CSMD1: variants seen among roughly 807,000 people sequenced by gnomAD.
The protein encoded by CSMD1 is CUB and Sushi multiple domains 1.
In CSMD1, 213 loss-of-function variants were observed where a neutral mutation model predicts 417.5. That is an observed-to-expected ratio of 0.51 (90% CI 0.46 to 0.57). The LOEUF (loss-of-function observed/expected upper bound fraction) is 0.57. Ranked by LOEUF, CSMD1 falls within the 20% of genes least tolerant of loss-of-function variation. The pLI is 0.00. For synonymous variants in CSMD1, 2,862 were observed against 1,736.8 expected (o/e 1.65, Z -16.11); for missense variants, 6,923 against 4,529.7 (o/e 1.53, Z -15.17).
rs571230682 is a variant in CSMD1, at chr8:3,171,180, G to A, written c.5726-8903C>T. On this transcript the variant is annotated intron_variant, in intron 37 of 69. Transcript: ENST00000635120. ...CAATCAGATAGTGTTAAAAAGGCTT[G>A]AATGCCAATTATAGATCCTTTATAA... Among the ~76,000 whole-genome samples the A allele has an allele frequency of 4.6e-5, 7 of 152,276 alleles. No homozygotes were observed. The South Asian group carries it at 1.0e-3, about 23-fold the overall frequency.
intron 41 of CSMD1, chr8:3,127,393 T>C (rs1585417562): frequency 6.6e-6 from 1 of 152,180 alleles, no homozygotes; most frequent in Admixed American, 6.5e-5. Flanking sequence ...TTTAGAAGCA[T>C]ATCAACTTTA....
intron 8 of CSMD1, 84 bp from the exon 9 acceptor site, chr8:3,586,344 C>T: frequency 1.5e-6 from 2 of 1,305,888 alleles, no homozygotes; most frequent in Non-Finnish European, 2.1e-6. Context: ...AGCAAAATGG[C>T]TGCTACGATC....
At position 3,387,664 on chromosome 8, in the gene CSMD1, T is replaced by A. The variant is rs1318464597; in HGVS notation, c.2612A>T (p.Asp871Val). ...AGGGATGCCCGGGTCCAGGCAGGAATCCGACTCAAGCGTCACACCTGGATG... is the reference window on the plus strand; with the variant it reads ...AGGGATGCCCGGGTCCAGGCAGGAAACCGACTCAAGCGTCACACCTGGATG... ...IHYESVTLES[D>V]SCLDPGIPVN... Residue 871 changes from aspartate (D) to valine (V), a missense_variant, in exon 18 of 70, where the codon GAT (aspartate) becomes GTT (valine). Asp to Val is a radical substitution (Grantham distance 152). Coordinates refer to ENST00000635120, the MANE Select transcript of CSMD1 (RefSeq NM_033225.6). The A allele has an allele frequency of 6.3e-7, 1 of 1,597,596 alleles. No individual in the cohort carries two copies. Among genetic ancestry groups the A allele is most frequent in the Non-Finnish European group, 8.5e-7 (1 of 1,171,872 alleles).
intron 37 of CSMD1, among the ~76,000 whole-genome samples, chr8:3,163,533 C>T (rs1046162952): frequency 6.6e-6 from 1 of 151,992 alleles, no homozygotes; most frequent in Admixed American, 6.5e-5. Flanking sequence ...CCACGCGGGG[C>T]TCTGCCCTGA....
intron 50 of CSMD1, among the ~76,000 whole-genome samples, chr8:3,047,116 G>A (rs1811503805): frequency 6.7e-6 from 1 of 150,106 alleles, no homozygotes; most frequent in Admixed American, 6.7e-5. Context: ...ACTGAGGCAG[G>A]AGAATCACTT....
In CSMD1 at chr8:3,118,520, G is replaced by A. The variant is rs1180738277; in HGVS notation, c.6309C>T (p.Tyr2103=). ...CGAAAGATACTGATTGCCCCACGCT[G>A]TAATCCGAGTTGATCATGTACCCAT... ...FQNGYMINSD[Y]SVGQSVSFEC... is the part of the protein sequence containing the mutation. Residue 2103 remains tyrosine, a synonymous_variant, in exon 42 of 70, where the codon TAC becomes TAT. Coordinates refer to ENST00000635120, the MANE Select transcript of CSMD1 (RefSeq NM_033225.6). 2 of 1,613,942 alleles carry A rather than the reference G, an allele frequency of 1.2e-6. No homozygotes were observed. Among genetic ancestry groups the A allele is most frequent in the Non-Finnish European group, 8.5e-7 (1 of 1,179,860 alleles).
chr8:3,182,032 G>A (rs1412325674), intron 36 of CSMD1, among the ~76,000 whole-genome samples: 2 of 152,168 alleles, frequency 1.3e-5, no homozygotes, highest in Non-Finnish European at 2.9e-5. Flanking sequence ...TAAATTGGAA[G>A]TGTAGACATA....
chr8:3,964,472 T>G (rs759336665), intron 5 of CSMD1, among the ~76,000 whole-genome samples: 4 of 152,158 alleles, frequency 2.6e-5, no homozygotes, highest in Admixed American at 6.5e-5. Flanking sequence ...GTATGCCTCA[T>G]TTTGCCGCAT....
chr8:4,722,269 T>C (rs2116914706), intron 1 of CSMD1, among the ~76,000 whole-genome samples: 1 of 152,308 alleles, frequency 6.6e-6, no homozygotes, highest in Middle Eastern at 3.4e-3. Flanking sequence ...TATCATATTA[T>C]ATTCCTTAAA....
At chr8:3,414,795 C>G (rs1039212934) in intron 12 of CSMD1, among the ~76,000 whole-genome samples, 2 of 152,198 alleles carry the variant, frequency 1.3e-5, no homozygotes, top group African/African-American at 2.4e-5. Flanking sequence ...AGCCTTCACA[C>G]CTGCTGTAAA....
At chr8:4,043,340 G>C (rs28488432) in intron 3 of CSMD1, among the ~76,000 whole-genome samples, 43,264 of 151,916 alleles carry the variant, frequency 0.28, 6,357 homozygotes, top group African/African-American at 0.34. Context: ...AAATGAATGA[G>C]AAATACAAAG....
intron 2 of CSMD1, among the ~76,000 whole-genome samples, chr8:4,508,008 T>C (rs376883904): frequency 1.1e-4 from 17 of 151,854 alleles, no homozygotes; most frequent in African/African-American, 3.9e-4. Context: ...AACTGAACGT[T>C]TCTCAGTCAC....
At chr8:3,816,332 G>A (rs1169919049) in intron 5 of CSMD1, among the ~76,000 whole-genome samples, 2 of 152,134 alleles carry the variant, frequency 1.3e-5, no homozygotes, top group Non-Finnish European at 2.9e-5. Flanking sequence ...GCTACCCACA[G>A]TCAACCACTG....
chr8:4,158,013 C>A (rs1258437959), intron 3 of CSMD1, among the ~76,000 whole-genome samples: 1 of 152,134 alleles, frequency 6.6e-6, no homozygotes, highest in South Asian at 2.1e-4. Context: ...TCAACTGCCC[C>A]CATACACGGA....
intron 5 of CSMD1, among the ~76,000 whole-genome samples, chr8:3,969,700 A>G (rs1341686308): frequency 2.0e-5 from 3 of 152,232 alleles, no homozygotes; most frequent in Non-Finnish European, 4.4e-5. Context: ...TGGTTCACAC[A>G]CCAAAGGATG....
At chr8:4,004,814 G>A (rs1039392794) in intron 4 of CSMD1, among the ~76,000 whole-genome samples, 4 of 152,058 alleles carry the variant, frequency 2.6e-5, no homozygotes, top group Non-Finnish European at 4.4e-5. Context: ...GCGCGATCTT[G>A]GCTCACTGTA....
intron 27 of CSMD1, among the ~76,000 whole-genome samples, chr8:3,226,944 A>C (rs1346476388): frequency 6.6e-6 from 1 of 152,168 alleles, no homozygotes; most frequent in Non-Finnish European, 1.5e-5. Context: ...ATGAAAAAAA[A>C]AAGTTCGACC....
rs1012107808 is a variant in CSMD1 at position 4,219,428 on chromosome 8, G to A, written c.416-187329C>T. On this transcript the variant is annotated intron_variant, in intron 3 of 69. Transcript: ENST00000635120. ...ATTACAGAGCCTCCATGGTAATTGG[G>A]CTCTGATCATAATTCATACCCGAAC... Among the ~76,000 whole-genome samples, 21 of 152,230 alleles carry A rather than the reference G, an allele frequency of 1.4e-4. 1 individual carries two copies. Among genetic ancestry groups the A allele is most frequent in the South Asian group, 2.1e-4 (1 of 4,818 alleles).
intron 12 of CSMD1, among the ~76,000 whole-genome samples, chr8:3,414,888 G>T (rs531969039): frequency 1.3e-5 from 2 of 152,104 alleles, no homozygotes; most frequent in African/African-American, 4.8e-5. Context: ...GCTCGGGGAT[G>T]GCCTGTATCC....
Sources: allele counts gnomAD v4.1 joint callset (sites outside exome capture counted in the v4.1 genomes callset), GRCh38; gene constraint gnomAD v4.1.1; transcripts MANE v1.5; gene names NCBI Gene and HGNC (gene_info 2026-07-23, HGNC 2026-07-21).